DMD: variants seen among roughly 807,000 people sequenced by gnomAD.
DMD encodes mutant dystrophin.
Under a neutral mutation model 330.1 loss-of-function variants are expected in DMD, and 63 were observed. That is an observed-to-expected ratio of 0.19 (90% CI 0.16 to 0.24). DMD has a LOEUF of 0.24. Among genes scored for constraint, DMD ranks in the 10% least tolerant of loss-of-function variants. The probability of loss-of-function intolerance (pLI) is 1.00; values close to 1 mark genes in which losing one functional copy is unlikely to be tolerated. For synonymous variants in DMD, 1,223 were observed against 959.8 expected, an observed-to-expected ratio of 1.27 and a Z score of -5.07; for missense variants, 3,344 against 2,684.1, an observed-to-expected ratio of 1.25 and a Z score of -5.43.
chrX:31,794,620 T>C, intron 50 of DMD, among the ~76,000 whole-genome samples: 1 of 111,972 alleles, frequency 8.9e-6, no homozygotes, highest in East Asian at 2.8e-4. Context: ...AATCTCTTTT[T>C]ATTAGGTCTG....
intron 44 of DMD, among the ~76,000 whole-genome samples, chrX:32,208,046 A>C (rs1396024170): frequency 8.9e-6 from 1 of 112,303 alleles, no homozygotes; most frequent in Non-Finnish European, 1.9e-5. Context: ...CAGGATTTTG[A>C]GAACTATGCT....
intron 55 of DMD, among the ~76,000 whole-genome samples, chrX:31,601,884 G>GA (rs2077384832): frequency 9.0e-6 from 1 of 110,607 alleles, no homozygotes; most frequent in Admixed American, 9.7e-5. Context: ...CTTATAAAAA[G>GA]AAAAAAGCAT....
intron 7 of DMD, among the ~76,000 whole-genome samples, chrX:32,784,039 G>C (rs2075139294): frequency 9.1e-6 from 1 of 110,128 alleles, no homozygotes; most frequent in Non-Finnish European, 1.9e-5. Context: ...GAACTCATCT[G>C]TGTGTTTAGA....
intron 41 of DMD, among the ~76,000 whole-genome samples, chrX:32,321,857 T>C (rs1433485675): frequency 9.0e-6 from 1 of 111,575 alleles, no homozygotes; most frequent in Non-Finnish European, 1.9e-5. Context: ...TGAGAGTCCA[T>C]ACAAGTAGTA....
chrX:33,090,922 A>G (rs1187840267), intron 1 of DMD, among the ~76,000 whole-genome samples: 1 of 111,380 alleles, frequency 9.0e-6, no homozygotes, highest in Non-Finnish European at 1.9e-5. Flanking sequence ...GATAAAATAT[A>G]GGTACAAACA....
intron 44 of DMD, among the ~76,000 whole-genome samples, chrX:32,065,615 A>G (rs1211524912): frequency 8.9e-6 from 1 of 112,098 alleles, no homozygotes; most frequent in African/African-American, 3.2e-5. Context: ...AACAAAATAC[A>G]TTGGATGTTT....
intron 1 of DMD, among the ~76,000 whole-genome samples, chrX:33,299,995 T>C (rs1007213191): frequency 9.0e-6 from 1 of 111,702 alleles, no homozygotes; most frequent in African/African-American, 3.3e-5. Context: ...GAAGAGACAA[T>C]GAATACTAAT....
rs769240330 is a variant in DMD, at chrX:33,176,534, G to T, written c.31+34748C>A. Reference sequence around the variant, plus strand: ...CAGGGATTCACAAGAGAGCAGGTTTGCAGCCACGAAAAAGCAAGCACAGAA... The same window carrying T: ...CAGGGATTCACAAGAGAGCAGGTTTTCAGCCACGAAAAAGCAAGCACAGAA... On this transcript the variant is annotated intron_variant, in intron 1 of 78. Coordinates refer to ENST00000357033, the MANE Select transcript of DMD (RefSeq NM_004006.3). Among the ~76,000 whole-genome samples, 4 of 103,410 alleles carry T rather than the reference G, an allele frequency of 3.9e-5. No homozygotes were observed. The South Asian group carries it at 1.7e-3, about 44-fold the overall frequency. The allele number at this position is 103,410 out of a possible 115,157, so 89.8% of individuals were successfully genotyped here. A position where few individuals can be genotyped will look rare whatever the true frequency, so the allele number is the denominator to read the frequency against.
intron 2 of DMD, among the ~76,000 whole-genome samples, chrX:32,884,294 C>T (rs1313655413): frequency 9.0e-6 from 1 of 111,428 alleles, no homozygotes; most frequent in East Asian, 2.8e-4. Flanking sequence ...ATAATGATTT[C>T]CAATCAGGTA....
chrX:33,188,651 C>A (rs777077100), intron 1 of DMD, among the ~76,000 whole-genome samples: 1 of 111,929 alleles, frequency 8.9e-6, no homozygotes, highest in South Asian at 3.7e-4. Context: ...TTTTTGTTTG[C>A]TCTCAAAGCT....
In DMD at chrX:33,303,363, AT is replaced by A. The variant is rs779756340; in HGVS notation, c.7+35895del. Among the ~76,000 whole-genome samples, 7 of 112,119 alleles carry A rather than the reference AT, an allele frequency of 6.2e-5. No individual in the cohort carries two copies. In the South Asian group the frequency reaches 2.6e-3, roughly 42 times the overall value. ...AATTATGGTTTTAAAATCTTCTAAG[AT>A]TAAAATGATAAAATAAAGCCAACAT... On this transcript the variant is annotated intron_variant, in intron 1 of 17. Transcript: ENST00000288447.
chrX:32,657,194 C>T (rs192639897), intron 9 of DMD, among the ~76,000 whole-genome samples: 2 of 110,873 alleles, frequency 1.8e-5, no homozygotes, highest in Middle Eastern at 4.7e-3. Flanking sequence ...GAACCTTTCT[C>T]ATAAAATCAA....
chrX:32,240,259 T>A (rs1001451054), intron 43 of DMD, among the ~76,000 whole-genome samples: 1 of 111,788 alleles, frequency 8.9e-6, no homozygotes, highest in Non-Finnish European at 1.9e-5. Context: ...TCTTGCAAAA[T>A]TTATACGTTG....
intron 74 of DMD, among the ~76,000 whole-genome samples, chrX:31,159,496 T>C (rs1431782030): frequency 1.8e-5 from 2 of 111,621 alleles, no homozygotes; most frequent in African/African-American, 6.5e-5. Flanking sequence ...AAGCCATCCA[T>C]GTACATATGT....
At chrX:32,613,250 G>A (rs1461359484) in intron 12 of DMD, among the ~76,000 whole-genome samples, 1 of 111,296 alleles carries the variant, frequency 9.0e-6, no homozygotes, top group Non-Finnish European at 1.9e-5. Flanking sequence ...TCTGCTAAAT[G>A]TGGCAACCCT....
At chrX:32,092,814 A>C (rs1277074086) in intron 44 of DMD, among the ~76,000 whole-genome samples, 1 of 91,999 alleles carries the variant, frequency 1.1e-5, no homozygotes, top group African/African-American at 4.3e-5. Context: ...TTTGGTCTTT[A>C]GAGAAATCTT....
intron 30 of DMD, among the ~76,000 whole-genome samples, chrX:32,393,037 C>T (rs1464434224): frequency 5.4e-5 from 6 of 112,135 alleles, no homozygotes; most frequent in African/African-American, 1.6e-4. Context: ...TTTCTCAACA[C>T]GCAAAACCAT....
intron 26 of DMD, among the ~76,000 whole-genome samples, chrX:32,448,935 T>C (rs1047329413): frequency 9.0e-6 from 1 of 110,935 alleles, no homozygotes; most frequent in Non-Finnish European, 1.9e-5. Flanking sequence ...TAAATACAAT[T>C]GTTTGGAAAA....
intron 60 of DMD, among the ~76,000 whole-genome samples, chrX:31,379,255 C>T (rs1322809137): frequency 9.0e-6 from 1 of 111,240 alleles, no homozygotes; most frequent in East Asian, 2.8e-4. Flanking sequence ...CTCCTCACAC[C>T]CGGTCCGGCT....
Sources: gnomAD v4.1 joint callset for allele counts (sites outside exome capture counted in the v4.1 genomes callset) on GRCh38, gnomAD v4.1.1 for gene constraint, MANE v1.5 for transcripts, NCBI Gene and HGNC (gene_info 2026-07-23, HGNC 2026-07-21) for gene names.